The following TRNAU1AP variants were observed in gnomAD, a reference collection of about 807,000 sequenced individuals.
TRNAU1AP encodes the protein tRNA selenocysteine 1-associated protein 1.
In TRNAU1AP, 33 loss-of-function variants were observed where a neutral mutation model predicts 43.3. The observed-to-expected ratio is 0.76, with a 90% CI of 0.58 to 1.02. The LOEUF is 1.02. TRNAU1AP is among the 50% of genes least tolerant of loss of function. TRNAU1AP has a pLI of 0.00. For synonymous variants in TRNAU1AP, 143 were observed against 129.1 expected (o/e 1.11, Z -0.73); for missense variants, 290 against 362.7 (o/e 0.80, Z 1.63).
intron 7 of TRNAU1AP, among the ~76,000 whole-genome samples, chr1:28,571,568 G>T (rs1665661797): frequency 6.6e-6 from 1 of 152,058 alleles, no homozygotes; most frequent in Non-Finnish European, 1.5e-5. Context: ...GATCACCTGA[G>T]GTCAGGAGTT....
At chr1:28,561,740 A>G (rs1335099307) in intron 4 of TRNAU1AP, among the ~76,000 whole-genome samples, 1 of 152,176 alleles carries the variant, frequency 6.6e-6, no homozygotes, top group African/African-American at 2.4e-5. Context: ...GAGTTCAAGA[A>G]TAGCCTGGGC....
chr1:28,567,467 C>T, intron 6 of TRNAU1AP, 54 bp downstream of exon 6: 1 of 1,531,196 alleles, frequency 6.5e-7, no homozygotes, highest in Non-Finnish European at 8.7e-7. Context: ...AGACACTCCT[C>T]TTTTGTTTGC....
At chr1:28,557,572 A>G (rs545417131) in intron 2 of TRNAU1AP, among the ~76,000 whole-genome samples, 3 of 131,062 alleles carry the variant, frequency 2.3e-5, no homozygotes, top group South Asian at 2.3e-4. Flanking sequence ...CTCCTTTTCT[A>G]TAATCTTGGT....
chr1:28,562,037 C>A (rs1027932480), intron 4 of TRNAU1AP, among the ~76,000 whole-genome samples: 1 of 152,178 alleles, frequency 6.6e-6, no homozygotes, highest in African/African-American at 2.4e-5. Flanking sequence ...GAGCCATGAT[C>A]GTGCCACTGC....
chr1:28,578,511 C>G lies in TRNAU1AP; in HGVS notation c.*875C>G, dbSNP rs936080298. The G allele has an allele frequency of 2.0e-4, 62 of 312,448 alleles. 1 individual carries two copies. Among genetic ancestry groups the G allele is most frequent in the Non-Finnish European group, 6.6e-6 (1 of 152,436 alleles). 19.4% of individuals were successfully genotyped at this position (312,448 alleles called of 1,614,324 possible). A position where few individuals can be genotyped will look rare whatever the true frequency, so the allele number is the denominator to read the frequency against. ...GAGCTCGGGAAGAGACCAGTTCGGT[C>G]TCTACAAAAAAATACAAACACAAAT... On this transcript the variant is annotated 3_prime_UTR_variant, in exon 9 of 9. Coordinates refer to ENST00000373830, the MANE Select transcript of TRNAU1AP (RefSeq NM_017846.5).
chr1:28,554,926 C>T (rs1316310241), intron 2 of TRNAU1AP, among the ~76,000 whole-genome samples: 2 of 151,582 alleles, frequency 1.3e-5, no homozygotes. Flanking sequence ...GGGCCCTTAA[C>T]TCTTATGCCA....
chr1:28,577,380 G>T (rs1431888005), intron 8 of TRNAU1AP, 120 bp from the exon 9 acceptor site: 2 of 1,137,762 alleles, frequency 1.8e-6, no homozygotes, highest in African/African-American at 1.6e-5. Flanking sequence ...TTCACTTCCT[G>T]AAAGAAACTG....
Position 28,564,247 on chromosome 1 carries a change from C to T in TRNAU1AP, c.279-456C>T, listed in dbSNP as rs528089452. ...CACCACTGCACTCCAGCCTGGGCAA[C>T]GAGCAAAACTCCATCTCAGAAAAAA... On this transcript the variant is annotated intron_variant, in intron 4 of 8. Transcript: ENST00000373830. Among the ~76,000 whole-genome samples the T allele has an allele frequency of 6.6e-4, 100 of 152,210 alleles. 2 individuals are homozygous for T. The highest frequency in any genetic ancestry group is 1.3e-4 in the Non-Finnish European group (9 of 68,008).
chr1:28,554,676 A>G lies in TRNAU1AP; in HGVS notation c.125+939A>G, dbSNP rs996651401. On this transcript the variant is annotated intron_variant, in intron 2 of 8. Transcript: ENST00000373830. ...GCTAACACGGTGAAACCCCATCTCT[A>G]CTAAAAATACAAAAAAAATTAGCTG... 3.7e-4 allele frequency among the ~76,000 whole-genome samples: 56 copies of G among 151,954 alleles called. 1 individual carries two copies. Among genetic ancestry groups the G allele is most frequent in the African/African-American group, 1.3e-3 (55 of 41,458 alleles).
chr1:28,556,452 A>G (rs527636430), intron 2 of TRNAU1AP, among the ~76,000 whole-genome samples: 4 of 150,970 alleles, frequency 2.6e-5, no homozygotes, highest in African/African-American at 9.7e-5. Context: ...TGACAGAGGG[A>G]AACTTTGTTG....
At chr1:28,558,617 T>C (rs1169443217) in intron 2 of TRNAU1AP, among the ~76,000 whole-genome samples, 1 of 142,508 alleles carries the variant, frequency 7.0e-6, no homozygotes, top group African/African-American at 2.7e-5. Context: ...CAGGCTGGAG[T>C]GCAGTGGCGT....
intron 2 of TRNAU1AP, among the ~76,000 whole-genome samples, chr1:28,554,211 AAC>A (rs1236662495): frequency 2.7e-4 from 37 of 138,744 alleles, no homozygotes; most frequent in African/African-American, 1.2e-3. Context: ...AAAAAAAAAA[AAC>A]AAAAAAACAA....
At position 28,553,137 on chromosome 1, in the gene TRNAU1AP, C is replaced by T. The variant is rs1039687225; in HGVS notation, c.27C>T (p.Asp9=). The T allele has an allele frequency of 2.0e-5, 31 of 1,518,734 alleles. No homozygotes were observed. The highest frequency in any genetic ancestry group is 2.7e-5 in the Non-Finnish European group (31 of 1,130,076). 94.1% of individuals were successfully genotyped at this position (1,518,734 alleles called of 1,614,324 possible). A position where few individuals can be genotyped will look rare whatever the true frequency, so the allele number is the denominator to read the frequency against. MAASLWMG[D]LEPYMDENFI... ...TGGCGGCCAGCCTGTGGATGGGCGA[C>T]GTGAGTGAGGGCAGCCGTCCGGGGT... The change falls in exon 1 of 9, where the codon GAC becomes GAT. Residue 9 remains aspartate, a splice_region_variant and synonymous_variant. Transcript: ENST00000373830.
At chr1:28,567,166 C>A in intron 5 of TRNAU1AP, 128 bp from the exon 6 acceptor site, 1 of 987,156 alleles carries the variant, frequency 1.0e-6, no homozygotes. Flanking sequence ...TGGACTCTCT[C>A]TTTCTCTTCT....
chr1:28,567,231 C>T, intron 5 of TRNAU1AP, 63 bp from the exon 6 acceptor site: 1 of 1,564,284 alleles, frequency 6.4e-7, no homozygotes, highest in Non-Finnish European at 8.7e-7. Context: ...ACTTCTTTTT[C>T]ATGTGTCCAT....
chr1:28,553,276 A>C (rs1009168814), intron 1 of TRNAU1AP, 139 bp downstream of exon 1: 1 of 1,032,802 alleles, frequency 9.7e-7, no homozygotes, highest in African/African-American at 1.7e-5. Context: ...GTGACACAGA[A>C]GCGGGTTCCA....
intron 2 of TRNAU1AP, among the ~76,000 whole-genome samples, chr1:28,560,099 G>A (rs974956665): frequency 4.6e-5 from 7 of 151,946 alleles, no homozygotes; most frequent in Admixed American, 2.6e-4. Context: ...GATGATATCC[G>A]TCTCATAAAT....
chr1:28,553,252 G>T lies in TRNAU1AP; in HGVS notation c.27+115G>T. On this transcript the variant is annotated intron_variant, in intron 1 of 8. Coordinates refer to ENST00000373830, the MANE Select transcript of TRNAU1AP (RefSeq NM_017846.5). ...ATCCCAGAAAGGGGAGACGTGTGAC[G>T]GGGGTTCTTTTTGGTGACACAGAAG... 2.5e-6 allele frequency: 3 copies of T among 1,198,756 alleles called. No individual in the cohort carries two copies. The South Asian group carries it at 4.9e-5, about 20-fold the overall frequency. 74.3% of individuals were successfully genotyped at this position (1,198,756 alleles called of 1,614,324 possible). A position where few individuals can be genotyped will look rare whatever the true frequency, so the allele number is the denominator to read the frequency against.
chr1:28,553,713 A>C lies in TRNAU1AP; in HGVS notation c.101A>C (p.Lys34Thr). ...ATGGGGGAGACCGTAATGAGCGTCA[A>C]AATTATCCGAAACCGCCTCACTGGG... ...ATMGETVMSV[K>T]IIRNRLTGIP... The change falls in exon 2 of 9, where the codon AAA (lysine) becomes ACA (threonine). Residue 34 changes from lysine (K) to threonine (T), a missense_variant. Coordinates refer to ENST00000373830, the MANE Select transcript of TRNAU1AP (RefSeq NM_017846.5). The C allele has an allele frequency of 6.2e-7, 1 of 1,614,192 alleles. No homozygotes were observed. Among genetic ancestry groups the C allele is most frequent in the Non-Finnish European group, 8.5e-7 (1 of 1,180,018 alleles).
Sources: allele counts gnomAD v4.1 joint callset (sites outside exome capture counted in the v4.1 genomes callset), GRCh38; gene constraint gnomAD v4.1.1; transcripts MANE v1.5; gene names NCBI Gene and HGNC (gene_info 2026-07-23, HGNC 2026-07-21).